SP140: variants seen among roughly 807,000 people sequenced by gnomAD.
SP140 encodes the protein SP140 nuclear body protein.
A neutral mutation model predicts 125.0 loss-of-function variants in SP140; 81 were observed. The ratio of observed to expected loss-of-function variants is 0.65; its 90% confidence interval spans 0.54 to 0.78. SP140 has a LOEUF of 0.78. Ranked by LOEUF, SP140 falls within the 30% of genes least tolerant of loss-of-function variation. The pLI is 0.00. For missense variants in SP140, 858 were observed against 1,037.0 expected, an observed-to-expected ratio of 0.83 and a Z score of 2.37; for synonymous variants, 312 against 354.0, an observed-to-expected ratio of 0.88 and a Z score of 1.33.
At chr2:230,303,942 A>G (rs946122096) in intron 22 of SP140, among the ~76,000 whole-genome samples, 9 of 152,202 alleles carry the variant, frequency 5.9e-5, no homozygotes, top group African/African-American at 2.2e-4. Context: ...AAGGGCATCC[A>G]AATCAGTAAA....
intron 22 of SP140, among the ~76,000 whole-genome samples, chr2:230,304,556 C>A (rs751555519): frequency 6.6e-6 from 1 of 151,840 alleles, no homozygotes; most frequent in Non-Finnish European, 1.5e-5. Context: ...GAGAATATAC[C>A]AGTACACATA....
intron 12 of SP140, among the ~76,000 whole-genome samples, chr2:230,257,100 G>A (rs1282493981): frequency 1.3e-5 from 2 of 152,110 alleles, no homozygotes; most frequent in Non-Finnish European, 2.9e-5. Flanking sequence ...GTGGGCATGG[G>A]TTGGGGTGGG....
chr2:230,206,595 T>TTTTATATATATA (rs1317441117), intron 1 of SP140, among the ~76,000 whole-genome samples: 1 of 70,530 alleles, frequency 1.4e-5, no homozygotes, highest in African/African-American at 4.8e-5. Context: ...GGTCCAGATT[T>TTTTATATATATA]TATATATATA....
chr2:230,199,312 G>A (rs1162251488), upstream of SP140, among the ~76,000 whole-genome samples: 3 of 142,078 alleles, frequency 2.1e-5, no homozygotes, highest in Non-Finnish European at 4.5e-5. Flanking sequence ...GGGTTCAAGC[G>A]ATTCTCCTTC....
intron 15 of SP140, among the ~76,000 whole-genome samples, chr2:230,272,130 G>A (rs2054017786): frequency 6.6e-6 from 1 of 152,074 alleles, no homozygotes; most frequent in South Asian, 2.1e-4. Context: ...TTTTAAAATG[G>A]TCATACTGCC....
intron 1 of SP140, chr2:230,212,687 T>G: frequency 6.4e-7 from 1 of 1,568,264 alleles, no homozygotes; most frequent in East Asian, 2.2e-5. Flanking sequence ...GTCAAGATGC[T>G]GGGATTGGCG....
upstream of SP140, chr2:230,221,649 G>T: frequency 1.3e-6 from 2 of 1,481,494 alleles, no homozygotes; most frequent in South Asian, 2.4e-5. Context: ...TGATGCAGGG[G>T]ATGGCGGTGG....
At chr2:230,241,014 A>G (rs1158028957) in intron 3 of SP140, among the ~76,000 whole-genome samples, 1 of 152,220 alleles carries the variant, frequency 6.6e-6, no homozygotes, top group African/African-American at 2.4e-5. Flanking sequence ...GATAAATCTC[A>G]AAAACATTAT....
chr2:230,212,341 T>C, intron 1 of SP140: 1 of 1,604,016 alleles, frequency 6.2e-7, no homozygotes, highest in Non-Finnish European at 8.5e-7. Flanking sequence ...CCCCAGTCAG[T>C]GTTACCTTGC....
chr2:230,213,327 T>C (rs774683693), intron 1 of SP140, among the ~76,000 whole-genome samples: 2 of 152,362 alleles, frequency 1.3e-5, no homozygotes, highest in Non-Finnish European at 2.9e-5. Context: ...TTTTCTTTAA[T>C]CTTGGTGTCA....
intron 1 of SP140, chr2:230,212,795 G>A (rs887156122): frequency 6.2e-7 from 1 of 1,614,170 alleles, no homozygotes; most frequent in Non-Finnish European, 8.5e-7. Flanking sequence ...TGAGTGCAGG[G>A]AGAGGCAGGA....
intron 15 of SP140, among the ~76,000 whole-genome samples, chr2:230,279,280 T>A (rs1426221052): frequency 6.6e-6 from 1 of 152,048 alleles, no homozygotes; most frequent in African/African-American, 2.4e-5. Flanking sequence ...TATCAAAATT[T>A]AAATGACATT....
chr2:230,299,153 T>C (rs1575310697), intron 22 of SP140, among the ~76,000 whole-genome samples: 1 of 152,130 alleles, frequency 6.6e-6, no homozygotes, highest in African/African-American at 2.4e-5. Context: ...GAACTTTTGC[T>C]CCAAGAACCA....
the SP140 span, among the ~76,000 whole-genome samples, chr2:230,191,673 G>C: frequency 2.6e-5 from 4 of 152,150 alleles, no homozygotes; most frequent in African/African-American, 9.7e-5. Flanking sequence ...CCCAGGACCA[G>C]ATGGATTCAC....
At chr2:230,250,611 G>T (rs918016657) in intron 9 of SP140, among the ~76,000 whole-genome samples, 2 of 152,118 alleles carry the variant, frequency 1.3e-5, no homozygotes, top group Non-Finnish European at 2.9e-5. Flanking sequence ...CAGAGTCAGG[G>T]GTGCAAGAGA....
At chr2:230,267,842 G>A (rs2053357201) in intron 12 of SP140, among the ~76,000 whole-genome samples, 1 of 152,184 alleles carries the variant, frequency 6.6e-6, no homozygotes, top group African/African-American at 2.4e-5. Flanking sequence ...TAAACAAAAT[G>A]ATTTTCTTTC....
intron 18 of SP140, chr2:230,288,180 A>G: frequency 2.1e-6 from 1 of 469,964 alleles, no homozygotes; most frequent in East Asian, 3.5e-5. Context: ...CCAGGGGCCC[A>G]GGGGCCACTA....
At chr2:230,213,729 ATC>A in exon 2 of SP140, 1 of 152,862 alleles carries the variant, frequency 6.5e-6, no homozygotes, top group South Asian at 2.1e-4. Flanking sequence ...GAACAAAATC[ATC>A]AGGTTGAAGA....
the SP140 span, among the ~76,000 whole-genome samples, chr2:230,192,795 T>C: frequency 6.6e-6 from 1 of 152,318 alleles, no homozygotes; most frequent in South Asian, 2.1e-4. Context: ...GGCTATCATA[T>C]GGTCTATCTT....
Sources: gnomAD v4.1 joint callset for allele counts (sites outside exome capture counted in the v4.1 genomes callset) on GRCh38, gnomAD v4.1.1 for gene constraint, MANE v1.5 for transcripts, NCBI Gene and HGNC (gene_info 2026-07-23, HGNC 2026-07-21) for gene names.